DOCK9: variants seen among roughly 807,000 people sequenced by gnomAD.
DOCK9 encodes the protein dedicator of cytokinesis protein 9.
A neutral mutation model predicts 263.3 loss-of-function variants in DOCK9; 89 were observed. That is an observed-to-expected ratio of 0.34 (90% CI 0.28 to 0.40). The LOEUF (loss-of-function observed/expected upper bound fraction) is 0.40, where lower values mean the gene tolerates loss of function less well. Ranked by LOEUF, DOCK9 falls within the 10% of genes least tolerant of loss-of-function variation. The pLI is 1.00. For synonymous variants in DOCK9, 976 were observed against 973.1 expected, an observed-to-expected ratio of 1.00 and a Z score of -0.06; for missense variants, 2,140 against 2,603.4, an observed-to-expected ratio of 0.82 and a Z score of 3.87.
chr13:98,940,818 AC>A (rs1267669125), intron 2 of DOCK9, among the ~76,000 whole-genome samples: 1 of 152,076 alleles, frequency 6.6e-6, no homozygotes, highest in African/African-American at 2.4e-5. Context: ...ACAGTGCAGC[AC>A]CCTAACTGGT....
intron 43 of DOCK9, among the ~76,000 whole-genome samples, chr13:98,827,763 CA>C (rs1475916631): frequency 6.6e-6 from 1 of 152,206 alleles, no homozygotes; most frequent in Non-Finnish European, 1.5e-5. Flanking sequence ...AGCAGGGTCA[CA>C]TGCACTGAAC....
rs201927938 is a variant in DOCK9 at position 98,800,361 on chromosome 13, C to T, written c.5843G>A (p.Arg1948Gln). The change falls in exon 50 of 53, where the codon CGG (arginine) becomes CAG (glutamine). Residue 1948 changes from arginine (R) to glutamine (Q), a missense_variant. Arg to Gln is a conservative substitution (Grantham distance 43, BLOSUM62 1). Around this residue, in one of 2 missense-constraint regions of DOCK9, gnomAD observed 619 missense variants for 861.8 expected, o/e 0.72. Coordinates refer to ENST00000682017, the MANE Select transcript of DOCK9 (RefSeq NM_001366683.2). Reference protein sequence around the residue: ...DEMSKKVAELRQLCSSAEVDM... With the variant: ...DEMSKKVAELQQLCSSAEVDM... ...CACCTCGGCCGAGGAGCACAGCTGC[C>T]GGAGCTCCGCCACCTTCTTACTCAT... The T allele has an allele frequency of 3.1e-4, 504 of 1,613,518 alleles. No individual in the cohort carries two copies. Among genetic ancestry groups the T allele is most frequent in the Admixed American group, 1.5e-3 (90 of 59,976 alleles).
chr13:98,967,373 C>T (rs371341019), intron 1 of DOCK9, among the ~76,000 whole-genome samples: 3 of 152,152 alleles, frequency 2.0e-5, no homozygotes, highest in Admixed American at 6.5e-5. Context: ...CTGGATTACA[C>T]GCATATTGTC....
intron 38 of DOCK9, among the ~76,000 whole-genome samples, chr13:98,841,902 C>T (rs1321995855): frequency 1.3e-5 from 2 of 151,912 alleles, no homozygotes; most frequent in African/African-American, 4.8e-5. Context: ...CTCAGCCTCC[C>T]AAAGTGCTGA....
intron 3 of DOCK9, among the ~76,000 whole-genome samples, chr13:98,926,430 T>C (rs554583810): frequency 6.6e-6 from 1 of 152,348 alleles, no homozygotes; most frequent in South Asian, 2.1e-4. Context: ...AAGAAACATA[T>C]GCATTCCAAT....
intron 30 of DOCK9, chr13:98,867,051 A>C (rs1408045447): frequency 1.6e-5 from 7 of 436,924 alleles, no homozygotes; most frequent in Non-Finnish European, 2.7e-5. Flanking sequence ...CAAGCGTCAT[A>C]CCCCACACCT....
At chr13:98,893,364 C>T (rs1397230670) in intron 15 of DOCK9, among the ~76,000 whole-genome samples, 1 of 152,156 alleles carries the variant, frequency 6.6e-6, no homozygotes, top group Non-Finnish European at 1.5e-5. Flanking sequence ...TATACTTTGC[C>T]TTCATGTCTT....
chr13:98,864,561 T>C (rs2093965467), intron 30 of DOCK9, among the ~76,000 whole-genome samples: 2 of 152,266 alleles, frequency 1.3e-5, no homozygotes, highest in Admixed American at 1.3e-4. Flanking sequence ...ATTATGTTCA[T>C]TGTTTATGAT....
At chr13:98,830,986 G>A (rs1300701232) in intron 41 of DOCK9, among the ~76,000 whole-genome samples, 1 of 152,224 alleles carries the variant, frequency 6.6e-6, no homozygotes, top group Non-Finnish European at 1.5e-5. Flanking sequence ...GATAGCAGAT[G>A]TGTCAGCAGA....
At chr13:98,857,384 T>C (rs986717918) in intron 33 of DOCK9, 1 of 152,166 alleles carries the variant, frequency 6.6e-6, no homozygotes, top group African/African-American at 2.4e-5. Context: ...AAAAGTATAT[T>C]TGAAAGTGAC....
chr13:98,931,062 C>T (rs958447939), intron 2 of DOCK9, among the ~76,000 whole-genome samples: 1 of 152,202 alleles, frequency 6.6e-6, no homozygotes, highest in Non-Finnish European at 1.5e-5. Context: ...TGCCACATCC[C>T]CAGCGCCTAA....
intron 45 of DOCK9, among the ~76,000 whole-genome samples, chr13:98,820,378 C>A (rs1191040128): frequency 1.3e-5 from 2 of 152,144 alleles, no homozygotes; most frequent in Non-Finnish European, 2.9e-5. Context: ...ATAAAGTAGA[C>A]CACCAAAAGG....
rs1444661501 is a variant in DOCK9, at chr13:98,831,684, T to C, written c.4417A>G (p.Asn1473Asp). 6.2e-7 allele frequency: 1 copy of C among 1,613,708 alleles called. No individual in the cohort carries two copies. The highest frequency in any genetic ancestry group is 1.3e-5 in the African/African-American group (1 of 74,910). ...QKHQSETALK[N>D]VFTALRSLIY... ...AAGGACCTTAAGGCAGTGAAGACAT[T>C]TTTTAAAGCCGTTTCAGACTGATGT... The change falls in exon 40 of 53, where the codon AAT (asparagine) becomes GAT (aspartate). Residue 1473 changes from asparagine (N) to aspartate (D), a missense_variant. Around this residue, in one of 2 missense-constraint regions of DOCK9, gnomAD observed 619 missense variants for 861.8 expected, o/e 0.72. Transcript: ENST00000682017.
At chr13:99,001,864 G>A (rs1882403064) in intron 1 of DOCK9, among the ~76,000 whole-genome samples, 1 of 152,176 alleles carries the variant, frequency 6.6e-6, no homozygotes, top group Non-Finnish European at 1.5e-5. Flanking sequence ...CTTAAAGAGG[G>A]ACTTCCAACT....
rs1462084317 is a variant in DOCK9 at position 98,825,759 on chromosome 13, G to A, written c.5023+1071C>T. The A allele has an allele frequency of 6.2e-6, 4 of 649,950 alleles. No individual in the cohort carries two copies. Among genetic ancestry groups the A allele is most frequent in the South Asian group, 6.9e-5 (2 of 29,080 alleles). The allele number at this position is 649,950 out of a possible 1,614,324, so 40.3% of individuals were successfully genotyped here. On this transcript the variant is annotated intron_variant, in intron 44 of 52. Coordinates refer to ENST00000682017, the MANE Select transcript of DOCK9 (RefSeq NM_001366683.2). The surrounding 1 kb of genome is among the most constrained non-coding windows in gnomAD (Gnocchi z 4.1). ...CAACCAGAGAGCCACAGAGTAGGAG[G>A]GAAGGAGAGTGAAGTCTGTCCATGC...
intron 1 of DOCK9, among the ~76,000 whole-genome samples, chr13:99,066,917 TAC>T (rs2041445391): frequency 6.6e-6 from 1 of 152,212 alleles, no homozygotes; most frequent in Non-Finnish European, 1.5e-5. Flanking sequence ...ATCCTATCAC[TAC>T]TCCCATGAAT....
At chr13:99,084,185 T>TA (rs1687189599) in intron 1 of DOCK9, among the ~76,000 whole-genome samples, 1 of 152,082 alleles carries the variant, frequency 6.6e-6, no homozygotes, top group Non-Finnish European at 1.5e-5. Flanking sequence ...CTGGAGCCAC[T>TA]AGAGGAAGTA....
intron 1 of DOCK9, among the ~76,000 whole-genome samples, chr13:99,084,610 A>C (rs1248347068): frequency 1.3e-5 from 2 of 152,246 alleles, no homozygotes; most frequent in Non-Finnish European, 2.9e-5. Context: ...ATATTCGGGG[A>C]CTACTGCACA....
At chr13:98,959,899 T>G (rs2058448310) in intron 1 of DOCK9, among the ~76,000 whole-genome samples, 1 of 152,210 alleles carries the variant, frequency 6.6e-6, no homozygotes, top group Non-Finnish European at 1.5e-5. Context: ...GATTCACTGG[T>G]GACAGCTGTT....
Sources: allele counts gnomAD v4.1 joint callset (sites outside exome capture counted in the v4.1 genomes callset), GRCh38; gene constraint gnomAD v4.1.1; regional missense constraint gnomAD v4.1.1; non-coding constraint Gnocchi (gnomAD v3.1); transcripts MANE v1.5; gene names NCBI Gene and HGNC (gene_info 2026-07-23, HGNC 2026-07-21).